The following ST6GALNAC3 variants were observed in gnomAD, a reference collection of about 807,000 sequenced individuals.
ST6GALNAC3 encodes ST6 N-acetylgalactosaminide alpha-2,6-sialyltransferase 3.
A neutral mutation model predicts 32.7 loss-of-function variants in ST6GALNAC3; 25 were observed. That is an observed-to-expected ratio of 0.76 (90% confidence interval 0.56 to 1.07). ST6GALNAC3 has a LOEUF of 1.07. Among genes scored for constraint, ST6GALNAC3 ranks in the 50% least tolerant of loss-of-function variants. The probability of loss-of-function intolerance (pLI) is 0.00; values close to 1 mark genes in which losing one functional copy is unlikely to be tolerated. For missense variants in ST6GALNAC3, 355 were observed against 382.4 expected, an observed-to-expected ratio of 0.93 and a Z score of 0.60; for synonymous variants, 129 against 133.1, an observed-to-expected ratio of 0.97 and a Z score of 0.21.
At chr1:76,178,461 G>A (rs1652979459) in intron 1 of ST6GALNAC3, among the ~76,000 whole-genome samples, 1 of 152,180 alleles carries the variant, frequency 6.6e-6, no homozygotes, top group South Asian at 2.1e-4. Context: ...AGTTGTAGCT[G>A]ACCTTGATGT....
intron 2 of ST6GALNAC3, among the ~76,000 whole-genome samples, chr1:76,406,296 T>C (rs1444734098): frequency 6.6e-6 from 1 of 152,080 alleles, no homozygotes; most frequent in Non-Finnish European, 1.5e-5. Context: ...GGGGAGGTAT[T>C]ATTCCCTTTA....
chr1:76,557,884 A>G (rs1475925390), intron 3 of ST6GALNAC3, among the ~76,000 whole-genome samples: 1 of 152,186 alleles, frequency 6.6e-6, no homozygotes, highest in Non-Finnish European at 1.5e-5. Context: ...GCAGAAGAAC[A>G]AAAGAAAATG....
At chr1:76,565,714 T>C (rs1665515523) in intron 3 of ST6GALNAC3, among the ~76,000 whole-genome samples, 1 of 152,182 alleles carries the variant, frequency 6.6e-6, no homozygotes, top group Non-Finnish European at 1.5e-5. Context: ...TTCAAAACTA[T>C]TGTCTTGTTT....
chr1:76,530,265 C>G (rs1663172856), intron 3 of ST6GALNAC3, among the ~76,000 whole-genome samples: 1 of 152,156 alleles, frequency 6.6e-6, no homozygotes, highest in South Asian at 2.1e-4. Flanking sequence ...CAGGGGCGGA[C>G]AAAACTTCAT....
chr1:76,255,563 G>A (rs553758876), intron 1 of ST6GALNAC3, among the ~76,000 whole-genome samples: 1 of 152,198 alleles, frequency 6.6e-6, no homozygotes, highest in South Asian at 2.1e-4. Flanking sequence ...ATTTTGTTCA[G>A]TTGGTACAAA....
chr1:76,431,080 C>T (rs968537837), intron 3 of ST6GALNAC3, among the ~76,000 whole-genome samples: 3 of 152,078 alleles, frequency 2.0e-5, no homozygotes, highest in Admixed American at 6.6e-5. Flanking sequence ...AGCATCACAG[C>T]CCTGGCAGCC....
At chr1:76,454,503 T>C (rs2101568501) in intron 3 of ST6GALNAC3, among the ~76,000 whole-genome samples, 1 of 152,278 alleles carries the variant, frequency 6.6e-6, no homozygotes, top group South Asian at 2.1e-4. Context: ...TCAGCATTTC[T>C]TTGTCTGAAA....
In ST6GALNAC3 at chr1:76,240,311, TAA is replaced by T. The variant is rs1259623246; in HGVS notation, c.19-73492_19-73491del. On this transcript the variant is annotated intron_variant, in intron 1 of 4. Coordinates refer to ENST00000328299, the MANE Select transcript of ST6GALNAC3 (RefSeq NM_152996.4). ...TCTCTTCTCCTCTTTCAGGTCTCTA[TAA>T]AGTTTCTAACTTGTTTTACTTTTTA... Among the ~76,000 whole-genome samples the T allele has an allele frequency of 2.0e-5, 3 of 152,226 alleles. No individual in the cohort carries two copies. The East Asian group carries it at 5.8e-4, about 29-fold the overall frequency.
At chr1:76,334,581 C>T (rs752826878) in intron 2 of ST6GALNAC3, among the ~76,000 whole-genome samples, 2 of 152,138 alleles carry the variant, frequency 1.3e-5, no homozygotes, top group Non-Finnish European at 2.9e-5. Context: ...TGAGATTCAC[C>T]AATATGCCTT....
chr1:76,305,434 G>C (rs910678232), intron 1 of ST6GALNAC3, among the ~76,000 whole-genome samples: 13 of 152,136 alleles, frequency 8.5e-5, no homozygotes, highest in Non-Finnish European at 1.3e-4. Flanking sequence ...GATTATGGAA[G>C]GTCTTGTATA....
At chr1:76,200,987 G>T (rs376616643) in intron 1 of ST6GALNAC3, among the ~76,000 whole-genome samples, 3 of 151,972 alleles carry the variant, frequency 2.0e-5, no homozygotes, top group African/African-American at 4.8e-5. Flanking sequence ...AATAATAAAT[G>T]TCCTCACTAA....
In ST6GALNAC3 at chr1:76,412,825, G is replaced by A. The variant is rs185604889; in HGVS notation, c.623+408G>A. ...TGGGAATTTTGCCAAAATTTTACCT[G>A]AGACCACAAACAGAACAGGCTACTG... On this transcript the variant is annotated intron_variant, in intron 3 of 4. Coordinates refer to ENST00000328299, the MANE Select transcript of ST6GALNAC3 (RefSeq NM_152996.4). 3.3e-5 allele frequency among the ~76,000 whole-genome samples: 5 copies of A among 152,182 alleles called. No individual in the cohort carries two copies. In the East Asian group the frequency reaches 7.7e-4, roughly 24 times the overall value.
At chr1:76,105,827 T>TA (rs895484721) in intron 1 of ST6GALNAC3, among the ~76,000 whole-genome samples, 1 of 152,184 alleles carries the variant, frequency 6.6e-6, no homozygotes, top group African/African-American at 2.4e-5. Flanking sequence ...CTATTACATT[T>TA]AAAAAAATAT....
intron 1 of ST6GALNAC3, among the ~76,000 whole-genome samples, chr1:76,308,237 C>T (rs1661184530): frequency 6.6e-6 from 1 of 152,128 alleles, no homozygotes; most frequent in African/African-American, 2.4e-5. Flanking sequence ...TCAACACTAG[C>T]TAATGTTCAC....
intron 2 of ST6GALNAC3, among the ~76,000 whole-genome samples, chr1:76,404,312 C>A (rs939428460): frequency 6.6e-6 from 1 of 151,966 alleles, no homozygotes; most frequent in African/African-American, 2.4e-5. Context: ...CAAGGAAGTA[C>A]ATTTACAGGT....
intron 1 of ST6GALNAC3, among the ~76,000 whole-genome samples, chr1:76,220,985 G>T (rs2631789): frequency 6.6e-6 from 1 of 152,110 alleles, no homozygotes; most frequent in Admixed American, 6.6e-5. Flanking sequence ...ACACAAGCCC[G>T]TTAAGCAGTT....
intron 1 of ST6GALNAC3, among the ~76,000 whole-genome samples, chr1:76,173,066 T>G (rs1483671021): frequency 6.6e-6 from 1 of 152,136 alleles, no homozygotes; most frequent in Non-Finnish European, 1.5e-5. Context: ...GGAGGCATCA[T>G]GCCACCTGAC....
intron 3 of ST6GALNAC3, among the ~76,000 whole-genome samples, chr1:76,524,930 AT>A (rs977477316): frequency 7.2e-5 from 11 of 151,972 alleles, no homozygotes; most frequent in African/African-American, 2.4e-4. Flanking sequence ...TAACATTTAT[AT>A]TTCCCTTTAG....
At chr1:76,166,369 T>C (rs1465638763) in intron 1 of ST6GALNAC3, among the ~76,000 whole-genome samples, 3 of 152,168 alleles carry the variant, frequency 2.0e-5, no homozygotes, top group African/African-American at 7.2e-5. Flanking sequence ...TTTTCTCTTT[T>C]TGTACCAGTA....
Sources: gnomAD v4.1 joint callset for allele counts (sites outside exome capture counted in the v4.1 genomes callset) on GRCh38, gnomAD v4.1.1 for gene constraint, MANE v1.5 for transcripts, NCBI Gene and HGNC (gene_info 2026-07-23, HGNC 2026-07-21) for gene names.